The following MTA3 variants were observed in gnomAD, a reference collection of about 807,000 sequenced individuals.
MTA3 encodes metastasis associated 1 family member 3, also known as metastasis-associated protein MTA3.
Under a neutral mutation model 83.5 loss-of-function variants are expected in MTA3, and 34 were observed. That is an observed-to-expected ratio of 0.41 (90% CI 0.31 to 0.54). The LOEUF (loss-of-function observed/expected upper bound fraction) is 0.54. MTA3 is among the 20% of genes least tolerant of loss of function. The pLI is 0.33. For missense variants in MTA3, 761 were observed against 726.4 expected (o/e 1.05, Z -0.55); for synonymous variants, 303 against 252.7 (o/e 1.20, Z -1.89).
intron 2 of MTA3, among the ~76,000 whole-genome samples, chr2:42,518,729 C>T (rs952043501): frequency 2.6e-5 from 4 of 152,042 alleles, no homozygotes; most frequent in African/African-American, 7.2e-5. Flanking sequence ...GTAATCCCAA[C>T]ACTTTGGGAG....
chr2:42,675,004 G>A (rs1327015792), intron 8 of MTA3, among the ~76,000 whole-genome samples: 9 of 151,760 alleles, frequency 5.9e-5, no homozygotes, highest in Admixed American at 5.9e-4. Context: ...AATTAATGCT[G>A]AGGCTGGTCT....
At chr2:42,593,555 T>TG (rs1681301341) in intron 3 of MTA3, among the ~76,000 whole-genome samples, 1 of 152,304 alleles carries the variant, frequency 6.6e-6, no homozygotes, top group African/African-American at 2.4e-5. Flanking sequence ...ACTGGGCAGT[T>TG]GGAGTTTTTC....
intron 4 of MTA3, among the ~76,000 whole-genome samples, chr2:42,614,471 G>T (rs1197606993): frequency 6.6e-6 from 1 of 152,108 alleles, no homozygotes; most frequent in Non-Finnish European, 1.5e-5. Flanking sequence ...TCTTTTCATT[G>T]TGCATTCATT....
intron 3 of MTA3, among the ~76,000 whole-genome samples, chr2:42,588,113 C>G (rs2103919989): frequency 6.6e-6 from 1 of 152,124 alleles, no homozygotes; most frequent in South Asian, 2.1e-4. Flanking sequence ...CATAGGAAAT[C>G]TTAAGCTTAG....
At chr2:42,589,148 A>G (rs1179552508) in intron 3 of MTA3, among the ~76,000 whole-genome samples, 1 of 152,202 alleles carries the variant, frequency 6.6e-6, no homozygotes, top group Non-Finnish European at 1.5e-5. Context: ...TTTGACACAT[A>G]AAACCATCAT....
chr2:42,551,182 T>TG (rs1332061014), intron 2 of MTA3, among the ~76,000 whole-genome samples: 2 of 150,700 alleles, frequency 1.3e-5, no homozygotes, highest in East Asian at 1.9e-4. Flanking sequence ...TATTTCTTTT[T>TG]TTTTTTTGTT....
At chr2:42,597,884 G>A (rs1376273494) in intron 3 of MTA3, among the ~76,000 whole-genome samples, 2 of 151,630 alleles carry the variant, frequency 1.3e-5, no homozygotes, top group Admixed American at 6.6e-5. Context: ...GTTTTGCCAC[G>A]TTGCCCAGGC....
At chr2:42,619,123 G>C (rs79931617) in intron 4 of MTA3, among the ~76,000 whole-genome samples, 6 of 152,326 alleles carry the variant, frequency 3.9e-5, no homozygotes, top group African/African-American at 1.4e-4. Context: ...ATGAACAACG[G>C]AACAGCAAGA....
intron 7 of MTA3, among the ~76,000 whole-genome samples, chr2:42,658,054 A>G (rs1292993684): frequency 7.3e-6 from 1 of 136,924 alleles, no homozygotes; most frequent in Non-Finnish European, 1.5e-5. Flanking sequence ...CCTGGGCGAC[A>G]GAGGAAGACT....
intron 2 of MTA3, among the ~76,000 whole-genome samples, chr2:42,553,989 T>C (rs1360680164): frequency 2.0e-5 from 3 of 150,750 alleles, no homozygotes; most frequent in Non-Finnish European, 2.9e-5. Flanking sequence ...ATCCCAGCAC[T>C]TTGGGAGGCC....
intron 2 of MTA3, among the ~76,000 whole-genome samples, chr2:42,538,384 T>C (rs1676351634): frequency 6.6e-6 from 1 of 152,214 alleles, no homozygotes; most frequent in African/African-American, 2.4e-5. Context: ...AGATTTGAGC[T>C]TTTTTAGGAT....
chr2:42,517,694 A>G (rs1192609093), intron 2 of MTA3, among the ~76,000 whole-genome samples: 2 of 151,646 alleles, frequency 1.3e-5, no homozygotes, highest in Non-Finnish European at 2.9e-5. Flanking sequence ...CTTGGCCAAC[A>G]TGGGGAAACC....
chr2:42,663,707 G>T (rs1049626632), intron 8 of MTA3, among the ~76,000 whole-genome samples: 10 of 152,338 alleles, frequency 6.6e-5, no homozygotes, highest in African/African-American at 2.2e-4. Flanking sequence ...CGAGGCTGCA[G>T]TGAGCTATGA....
intron 4 of MTA3, among the ~76,000 whole-genome samples, chr2:42,628,059 A>G (rs1030633077): frequency 5.3e-5 from 8 of 150,172 alleles, no homozygotes; most frequent in African/African-American, 2.0e-4. Flanking sequence ...TAATTTTTGT[A>G]TTTTTGGTTA....
chr2:42,659,363 G>A (rs186781081), intron 7 of MTA3, among the ~76,000 whole-genome samples: 22 of 152,268 alleles, frequency 1.4e-4, no homozygotes, highest in African/African-American at 5.3e-4. Flanking sequence ...ATGTAACTGA[G>A]TTTTACAATT....
At chr2:42,524,501 T>A (rs1411502537) in intron 2 of MTA3, among the ~76,000 whole-genome samples, 1 of 146,734 alleles carries the variant, frequency 6.8e-6, no homozygotes, top group Non-Finnish European at 1.5e-5. Flanking sequence ...TTTTTTGTAT[T>A]TTTTAGTAGA....
chr2:42,726,201 A>T (rs1468758536), intron 16 of MTA3, among the ~76,000 whole-genome samples: 1 of 152,210 alleles, frequency 6.6e-6, no homozygotes, highest in Non-Finnish European at 1.5e-5. Flanking sequence ...CATACCAAAC[A>T]GAGTGTTGAT....
intron 3 of MTA3, among the ~76,000 whole-genome samples, chr2:42,599,913 T>C (rs1438265908): frequency 6.6e-6 from 1 of 151,956 alleles, no homozygotes; most frequent in Non-Finnish European, 1.5e-5. Flanking sequence ...AACTTGCTTA[T>C]GGGCCAGGCA....
chr2:42,718,875 T>C, intron 14 of MTA3, 113 bp from the exon 15 acceptor site: 1 of 706,110 alleles, frequency 1.4e-6, no homozygotes, highest in Non-Finnish European at 2.3e-6. Flanking sequence ...TATGCGGGAA[T>C]CTGGTGGCTA....
Sources: gnomAD v4.1 joint callset for allele counts (sites outside exome capture counted in the v4.1 genomes callset) on GRCh38, gnomAD v4.1.1 for gene constraint, MANE v1.5 for transcripts, NCBI Gene and HGNC (gene_info 2026-07-23, HGNC 2026-07-21) for gene names.